Variants in CTPS2 observed in about 807,000 individuals in gnomAD.
CTPS2 encodes CTP synthase 2, also known as CTP synthase II.
A neutral mutation model predicts 46.8 loss-of-function variants in CTPS2; 19 were observed. That is an observed-to-expected ratio of 0.41 (90% CI 0.28 to 0.60). The LOEUF is 0.60. Ranked by LOEUF, CTPS2 falls within the 20% of genes least tolerant of loss-of-function variation. The pLI is 0.35. For synonymous variants in CTPS2, 151 were observed against 165.2 expected (o/e 0.91, Z 0.66); for missense variants, 286 against 447.6 (o/e 0.64, Z 3.26).
chrX:16,701,903 A>G (rs1292982619), intron 2 of CTPS2, among the ~76,000 whole-genome samples: 2 of 111,120 alleles, frequency 1.8e-5, no homozygotes, highest in Non-Finnish European at 3.8e-5. Context: ...CCGGCAGGAC[A>G]TGAACATTTC....
chrX:16,703,945 T>TTG (rs1008460355), intron 1 of CTPS2, among the ~76,000 whole-genome samples: 2 of 107,658 alleles, frequency 1.9e-5, no homozygotes, highest in African/African-American at 6.8e-5. Context: ...TTTTTTTTTT[T>TTG]TTCTTTTTTT....
intron 15 of CTPS2, among the ~76,000 whole-genome samples, chrX:16,619,690 A>G (rs1259224881): frequency 8.9e-6 from 1 of 111,886 alleles, no homozygotes; most frequent in Non-Finnish European, 1.9e-5. Context: ...AGTCAAATGC[A>G]TCGTAATTGA....
chrX:16,631,511 C>G (rs1483987318), intron 14 of CTPS2, among the ~76,000 whole-genome samples: 3 of 111,526 alleles, frequency 2.7e-5, no homozygotes, highest in Non-Finnish European at 3.8e-5. Flanking sequence ...ACAGTGAAAC[C>G]CTGTCTCTAA....
intron 17 of CTPS2, among the ~76,000 whole-genome samples, chrX:16,595,771 C>T (rs113497503): frequency 0.026 from 2,874 of 111,977 alleles, 98 homozygotes; most frequent in African/African-American, 0.088. Flanking sequence ...TTTCTACCAG[C>T]GTAGAAAGTT....
intron 16 of CTPS2, among the ~76,000 whole-genome samples, chrX:16,616,298 A>G (rs753351668): frequency 3.4e-4 from 38 of 112,225 alleles, no homozygotes; most frequent in African/African-American, 1.2e-3. Flanking sequence ...CTCAATTCTG[A>G]TGCCTTTATT....
intron 13 of CTPS2, among the ~76,000 whole-genome samples, chrX:16,652,376 T>G (rs950525133): frequency 9.0e-6 from 1 of 111,721 alleles, no homozygotes; most frequent in Non-Finnish European, 1.9e-5. Context: ...AATATGACAA[T>G]TGGAAAGACT....
intron 14 of CTPS2, among the ~76,000 whole-genome samples, chrX:16,630,251 A>AT (rs148128965): frequency 0.039 from 3,030 of 77,214 alleles, 82 homozygotes; most frequent in African/African-American, 0.088. Flanking sequence ...GTTGTGTTGT[A>AT]TTTTTTTTTT....
At chrX:16,662,734 G>A (rs16980446) in intron 13 of CTPS2, among the ~76,000 whole-genome samples, 4,371 of 101,292 alleles carry the variant, frequency 0.043, 264 homozygotes, top group African/African-American at 0.15. Context: ...TTCTCACATC[G>A]ATACAAGTGC....
At chrX:16,700,410 C>A (rs1924465918) in intron 2 of CTPS2, among the ~76,000 whole-genome samples, 1 of 108,024 alleles carries the variant, frequency 9.3e-6, no homozygotes. Context: ...AGCCACCGTG[C>A]CCGGCCTATT....
chrX:16,705,743 G>T (rs1309018904), intron 1 of CTPS2, among the ~76,000 whole-genome samples: 1 of 111,204 alleles, frequency 9.0e-6, no homozygotes, highest in East Asian at 2.8e-4. Context: ...GCGAGACCCT[G>T]TCTCTTTAAA....
At chrX:16,663,993 G>A (rs966110886) in intron 13 of CTPS2, among the ~76,000 whole-genome samples, 26 of 110,550 alleles carry the variant, frequency 2.4e-4, no homozygotes, top group Non-Finnish European at 4.5e-4. Flanking sequence ...GTGCCACCAC[G>A]CCCAGCTAAT....
At chrX:16,679,721 A>G (rs1422132579) in intron 9 of CTPS2, among the ~76,000 whole-genome samples, 1 of 111,331 alleles carries the variant, frequency 9.0e-6, no homozygotes, top group African/African-American at 3.3e-5. Flanking sequence ...TGCCCCTATA[A>G]AAAAGGCCCC....
chrX:16,608,650 C>A (rs1021461082), intron 17 of CTPS2, among the ~76,000 whole-genome samples: 2 of 111,418 alleles, frequency 1.8e-5, no homozygotes, highest in African/African-American at 6.5e-5. Context: ...ACACACTAAA[C>A]ATGTTAATAA....
intron 13 of CTPS2, among the ~76,000 whole-genome samples, chrX:16,662,404 T>C (rs995315236): frequency 7.1e-5 from 8 of 111,927 alleles, no homozygotes; most frequent in Non-Finnish European, 1.3e-4. Flanking sequence ...GTTTCTCTTT[T>C]TATGTGTATA....
Position 16,588,974 on chromosome X carries a change from C to T in CTPS2, c.*843G>A, listed in dbSNP as rs1928754082. ...AAGTGGAAAATTCCATAACTGATCTCATGCCAGAAATCACAGTCAAAATGC... is the reference window on the plus strand; with the variant it reads ...AAGTGGAAAATTCCATAACTGATCTTATGCCAGAAATCACAGTCAAAATGC... On this transcript the variant is annotated 3_prime_UTR_variant, in exon 19 of 19. Coordinates refer to ENST00000359276, the MANE Select transcript of CTPS2 (RefSeq NM_175859.3). The T allele has an allele frequency of 8.9e-6, 1 of 112,373 alleles. No homozygotes were observed. The highest frequency in any genetic ancestry group is 3.2e-5 in the African/African-American group (1 of 30,976). The allele number at this position is 112,373 out of a possible 1,213,427, so 9.3% of individuals were successfully genotyped here.
intron 13 of CTPS2, among the ~76,000 whole-genome samples, chrX:16,643,085 A>G (rs1162433572): frequency 8.9e-6 from 1 of 112,155 alleles, no homozygotes; most frequent in Non-Finnish European, 1.9e-5. Flanking sequence ...TAAATATGGC[A>G]CTAATTAACC....
At chrX:16,620,142 G>A in intron 15 of CTPS2, 135 bp downstream of exon 15, 1 of 496,837 alleles carries the variant, frequency 2.0e-6, no homozygotes, top group Non-Finnish European at 3.4e-6. Flanking sequence ...GTGGGAGACT[G>A]TGGGAAATTT....
intron 13 of CTPS2, among the ~76,000 whole-genome samples, chrX:16,664,864 T>C (rs1454358683): frequency 2.7e-5 from 3 of 111,804 alleles, no homozygotes; most frequent in East Asian, 5.6e-4. Flanking sequence ...GAATGATGTG[T>C]TCCCAAATGC....
intron 13 of CTPS2, among the ~76,000 whole-genome samples, chrX:16,654,861 G>A (rs774593471): frequency 1.8e-5 from 2 of 109,305 alleles, no homozygotes; most frequent in South Asian, 8.2e-4. Flanking sequence ...ACTCCAGCCT[G>A]GACCACAGAG....
Sources: allele counts gnomAD v4.1 joint callset (sites outside exome capture counted in the v4.1 genomes callset), GRCh38; gene constraint gnomAD v4.1.1; transcripts MANE v1.5; gene names NCBI Gene and HGNC (gene_info 2026-07-23, HGNC 2026-07-21).